SLC26A5: variants seen among roughly 807,000 people sequenced by gnomAD.
SLC26A5 encodes the protein solute carrier family 26 member 5, also known as prestin.
A neutral mutation model predicts 81.0 loss-of-function variants in SLC26A5; 51 were observed. The ratio of observed to expected loss-of-function variants is 0.63; its 90% CI spans 0.50 to 0.80. The LOEUF (loss-of-function observed/expected upper bound fraction) is 0.80. Ranked by LOEUF, SLC26A5 falls within the 30% of genes least tolerant of loss-of-function variation. The pLI is 0.00. For synonymous variants in SLC26A5, 325 were observed against 332.8 expected (o/e 0.98, Z 0.25); for missense variants, 771 against 905.8 (o/e 0.85, Z 1.91).
At chr7:103,356,239 TA>T (rs1563486624) in intron 19 of SLC26A5, among the ~76,000 whole-genome samples, 1 of 152,172 alleles carries the variant, frequency 6.6e-6, no homozygotes, top group Non-Finnish European at 1.5e-5. Context: ...CTTGTGTTTT[TA>T]AAAAATTGCA....
intron 4 of SLC26A5, among the ~76,000 whole-genome samples, chr7:103,415,709 C>T (rs969572885): frequency 1.3e-5 from 2 of 152,306 alleles, no homozygotes; most frequent in African/African-American, 4.8e-5. Context: ...CATTATGTGA[C>T]TTTTTTTCTT....
intron 19 of SLC26A5, chr7:103,355,037 G>T: frequency 1.2e-6 from 1 of 838,074 alleles, no homozygotes. Flanking sequence ...ACTCCTTCAT[G>T]ATTACAGATT....
At chr7:103,361,680 G>C (rs1820423792) in intron 19 of SLC26A5, among the ~76,000 whole-genome samples, 1 of 152,022 alleles carries the variant, frequency 6.6e-6, no homozygotes, top group Admixed American at 6.6e-5. Context: ...TAATAATAAA[G>C]GAATACAAAC....
intron 9 of SLC26A5, among the ~76,000 whole-genome samples, chr7:103,397,681 C>T (rs538893802): frequency 4.1e-5 from 6 of 148,094 alleles, no homozygotes; most frequent in East Asian, 4.0e-4. Context: ...GGCGCCACTG[C>T]ACTCCAGCCC....
chr7:103,353,342 G>T lies in SLC26A5; in HGVS notation c.2042-416C>A, dbSNP rs1333462319. 5.9e-5 allele frequency among the ~76,000 whole-genome samples: 9 copies of T among 151,756 alleles called. 1 individual carries two copies. The highest frequency in any genetic ancestry group is 1.5e-5 in the Non-Finnish European group (1 of 67,950). ...TTCTTTTTGAGATGGAGTCTCTCTC[G>T]GTCACCCAGGCTGGAGTGCGGTGAT... On this transcript the variant is annotated intron_variant, in intron 19 of 19. Coordinates refer to the SLC26A5 transcript ENST00000339444.
rs1311737983 is a variant in SLC26A5, at chr7:103,381,722, C to A, written c.1515-1173G>T. Among the ~76,000 whole-genome samples, 3 of 151,494 alleles carry A rather than the reference C, an allele frequency of 2.0e-5. No individual in the cohort carries two copies. In the East Asian group the frequency reaches 5.8e-4, roughly 29 times the overall value. ...ACATACCCCCACTACATGCCACACA[C>A]AATACCATACACAATACACACACCA... On this transcript the variant is annotated intron_variant, in intron 14 of 19. Coordinates refer to ENST00000306312, the MANE Select transcript of SLC26A5 (RefSeq NM_198999.3).
chr7:103,363,520 T>A, intron 19 of SLC26A5: 1 of 1,228,882 alleles, frequency 8.1e-7, no homozygotes, highest in Non-Finnish European at 1.2e-6. Context: ...GCTTGTATAT[T>A]AGATGGCTTT....
chr7:103,373,686 C>T (rs534180372), downstream of SLC26A5, among the ~76,000 whole-genome samples: 1 of 152,092 alleles, frequency 6.6e-6, no homozygotes, highest in Admixed American at 6.5e-5. Context: ...TAAATATGGT[C>T]TAAGATCAAA....
At chr7:103,443,958 A>C (rs1262427127) in intron 1 of SLC26A5, among the ~76,000 whole-genome samples, 2 of 152,116 alleles carry the variant, frequency 1.3e-5, no homozygotes, top group African/African-American at 4.8e-5. Flanking sequence ...TGTCCTCCAG[A>C]TTTTGAAAGA....
intron 4 of SLC26A5, among the ~76,000 whole-genome samples, chr7:103,413,804 A>G (rs1824693904): frequency 6.6e-6 from 1 of 152,030 alleles, no homozygotes; most frequent in Admixed American, 6.6e-5. Flanking sequence ...TTTTTTTTTA[A>G]ATAGAATTTT....
intron 2 of SLC26A5, among the ~76,000 whole-genome samples, chr7:103,438,996 C>T (rs1451951579): frequency 6.6e-6 from 1 of 152,198 alleles, no homozygotes. Flanking sequence ...TTCAACTATG[C>T]TCAACAGCAA....
At chr7:103,402,246 T>C (rs1023576900) in intron 8 of SLC26A5, among the ~76,000 whole-genome samples, 6 of 152,200 alleles carry the variant, frequency 3.9e-5, no homozygotes, top group African/African-American at 1.4e-4. Context: ...GAGCCTGTTA[T>C]TGGTCTATTC....
At chr7:103,435,439 A>G (rs879181417) in intron 2 of SLC26A5, among the ~76,000 whole-genome samples, 2 of 152,138 alleles carry the variant, frequency 1.3e-5, no homozygotes, top group Middle Eastern at 3.2e-3. Flanking sequence ...TGTCATGTAT[A>G]TAAGTGTCTC....
intron 2 of SLC26A5, among the ~76,000 whole-genome samples, chr7:103,425,077 C>T (rs939048026): frequency 2.0e-5 from 3 of 152,192 alleles, no homozygotes; most frequent in Non-Finnish European, 2.9e-5. Flanking sequence ...CTTCGGCTAT[C>T]CCCAACATCA....
intron 11 of SLC26A5, among the ~76,000 whole-genome samples, chr7:103,391,109 C>T (rs576364035): frequency 1.3e-5 from 2 of 152,268 alleles, no homozygotes; most frequent in East Asian, 1.9e-4. Flanking sequence ...ATGATCTGCC[C>T]GCCTTGGCCT....
At chr7:103,361,315 C>T (rs190109564) in intron 19 of SLC26A5, among the ~76,000 whole-genome samples, 3 of 145,536 alleles carry the variant, frequency 2.1e-5, no homozygotes, top group African/African-American at 5.1e-5. Context: ...GTTGGGAGTT[C>T]AAGAGAAACC....
intron 6 of SLC26A5, among the ~76,000 whole-genome samples, 192 bp downstream of exon 6, chr7:103,411,228 C>A (rs959173180): frequency 1.3e-5 from 2 of 152,114 alleles, no homozygotes; most frequent in Non-Finnish European, 2.9e-5. Context: ...TTTAAAACAC[C>A]CACCTGAAGC....
At chr7:103,392,804 C>G in intron 10 of SLC26A5, 115 bp downstream of exon 10, 2 of 1,306,372 alleles carry the variant, frequency 1.5e-6, no homozygotes, top group Non-Finnish European at 2.2e-6. Context: ...GTCTCAATCT[C>G]CTGACCTCAT....
chr7:103,360,192 G>A (rs1024964074), intron 19 of SLC26A5, among the ~76,000 whole-genome samples: 2 of 152,040 alleles, frequency 1.3e-5, no homozygotes, highest in Admixed American at 6.6e-5. Context: ...CATACATAAG[G>A]GAAAATGCAT....
Sources: allele counts gnomAD v4.1 joint callset (sites outside exome capture counted in the v4.1 genomes callset), GRCh38; gene constraint gnomAD v4.1.1; transcripts MANE v1.5; gene names NCBI Gene and HGNC (gene_info 2026-07-23, HGNC 2026-07-21).